The following COX7C variants were observed in gnomAD, a reference collection of about 807,000 sequenced individuals.
COX7C encodes the protein cytochrome c oxidase subunit 7C, mitochondrial.
In COX7C, 1 loss-of-function variant was observed where a neutral mutation model predicts 6.4. The ratio of observed to expected loss-of-function variants is 0.16; its 90% confidence interval spans 0.06 to 0.74. The LOEUF (loss-of-function observed/expected upper bound fraction) is 0.74. COX7C is among the 30% of genes least tolerant of loss of function. The probability of loss-of-function intolerance (pLI) is 0.78; values close to 1 mark genes in which losing one functional copy is unlikely to be tolerated. For synonymous variants in COX7C, 24 were observed against 28.9 expected (o/e 0.83, Z 0.54); for missense variants, 54 against 73.7 (o/e 0.73, Z 0.98).
intron 1 of COX7C, chr5:86,618,405 T>A (rs1489257083): frequency 8.9e-6 from 4 of 447,354 alleles, no homozygotes; most frequent in Non-Finnish European, 1.6e-5. Context: ...CTGAGATGGC[T>A]CCGGGAGGCC....
rs1449370841 is a variant in COX7C, at chr5:86,619,376, C to G, written c.99C>G (p.Asn33Lys). ...PGKNLPFSVE[N>K]KWSLLAKMCL... ...AGAATTTGCCATTTTCAGTGGAAAA[C>G]AAGTGGTCGTTACTAGCTAAGATGT... Residue 33 changes from asparagine to lysine, a missense_variant, in exon 2 of 3, where the codon AAC becomes AAG. By Grantham distance (94) the Asn-to-Lys change is moderately conservative (BLOSUM62 0). Coordinates refer to ENST00000247655, the MANE Select transcript of COX7C (RefSeq NM_001867.3). 7 of 1,612,640 alleles carry G rather than the reference C, an allele frequency of 4.3e-6. No homozygotes were observed. Among genetic ancestry groups the G allele is most frequent in the Non-Finnish European group, 5.9e-6 (7 of 1,179,540 alleles).
In COX7C at chr5:86,617,968, A is replaced by C. The variant is rs1448899556; in HGVS notation, c.-88A>C. On this transcript the variant is annotated 5_prime_UTR_variant, in exon 1 of 3. Transcript: ENST00000247655. Reference sequence around the variant, plus strand: ...TTTCAGTCCTTGCGCACCGGGGAACAAGGTCGTGAAAAAAAAGGTCTTGGT... The same window carrying C: ...TTTCAGTCCTTGCGCACCGGGGAACCAGGTCGTGAAAAAAAAGGTCTTGGT... 1 of 1,236,404 alleles carries C rather than the reference A, an allele frequency of 8.1e-7. No homozygotes were observed. Among genetic ancestry groups the C allele is most frequent in the African/African-American group, 1.5e-5 (1 of 67,338 alleles). The allele number at this position is 1,236,404 out of a possible 1,614,324, so 76.6% of individuals were successfully genotyped here.
Position 86,618,042 on chromosome 5 carries a change from C to G in COX7C, c.-14C>G. ...CTCATTCTCTGCGCCTTTCGCAGAG[C>G]TTCCAGCAGCGGTATGTTGGGCCAG... On this transcript the variant is annotated 5_prime_UTR_variant, in exon 1 of 3. Coordinates refer to ENST00000247655, the MANE Select transcript of COX7C (RefSeq NM_001867.3). 6.2e-7 allele frequency: 1 copy of G among 1,613,284 alleles called. No individual in the cohort carries two copies. Among genetic ancestry groups the G allele is most frequent in the South Asian group, 1.1e-5 (1 of 91,042 alleles).
In COX7C at chr5:86,619,415, A is replaced by G. The variant is rs752950725; in HGVS notation, c.138A>G (p.Gly46=). Residue 46 remains glycine, a synonymous_variant, in exon 2 of 3, where the codon GGA becomes GGG. Transcript: ENST00000247655. ...SLLAKMCLYF[G]SAFATPFLVV... is the part of the protein sequence containing the mutation. ...TAGCTAAGATGTGTTTGTACTTTGG[A>G]TCTGCATTTGCTACACCCTTCCTTG... The G allele has an allele frequency of 3.7e-5, 59 of 1,613,728 alleles. No individual in the cohort carries two copies. Among genetic ancestry groups the G allele is most frequent in the East Asian group, 4.5e-5 (2 of 44,856 alleles).
intron 1 of COX7C, chr5:86,618,463 C>T (rs181141267): frequency 3.6e-6 from 1 of 279,790 alleles, no homozygotes; most frequent in Admixed American, 4.9e-5. Context: ...TCATCGGACC[C>T]GAAATGAAGG....
chr5:86,618,395 C>T, intron 1 of COX7C: 1 of 468,372 alleles, frequency 2.1e-6, no homozygotes, highest in Non-Finnish European at 3.9e-6. Context: ...GCAGAAAGCC[C>T]TGAGATGGCT....
intron 1 of COX7C, 89 bp downstream of exon 1, chr5:86,618,219 T>G: frequency 8.2e-7 from 1 of 1,214,886 alleles, no homozygotes; most frequent in Non-Finnish European, 1.2e-6. Context: ...GGCTGTGGCG[T>G]GGGAGATGAT....
intron 1 of COX7C, chr5:86,618,463 C>G (rs181141267): frequency 3.6e-6 from 1 of 279,908 alleles, no homozygotes; most frequent in Non-Finnish European, 6.9e-6. Flanking sequence ...TCATCGGACC[C>G]GAAATGAAGG....
chr5:86,620,888 G>A lies in COX7C; in HGVS notation c.*248G>A, dbSNP rs1176574709. On this transcript the variant is annotated 3_prime_UTR_variant, in exon 3 of 3. Transcript: ENST00000247655. ...AGCTTATTTAATGGTGTTAAACTGA[G>A]GTTATATTAAATTTTTGATTCCCAG... 1 of 153,480 alleles carries A rather than the reference G, an allele frequency of 6.5e-6. No homozygotes were observed. Among genetic ancestry groups the A allele is most frequent in the Non-Finnish European group, 1.5e-5 (1 of 68,932 alleles). 9.5% of individuals were successfully genotyped at this position (153,480 alleles called of 1,614,324 possible).
intron 2 of COX7C, chr5:86,620,126 A>G (rs1313949244): frequency 6.6e-6 from 1 of 152,354 alleles, no homozygotes; most frequent in East Asian, 1.9e-4. Flanking sequence ...TCTGTGCCTC[A>G]CCAACTCAGC....
rs865823094 is a variant in COX7C at position 86,618,418 on chromosome 5, G to A, written c.75+288G>A. ...CCCTGAGATGGCTCCGGGAGGCCACGGCTGTAGGTGTGTTGGTTAAATCCG... is the reference window on the plus strand; with the variant it reads ...CCCTGAGATGGCTCCGGGAGGCCACAGCTGTAGGTGTGTTGGTTAAATCCG... On this transcript the variant is annotated intron_variant, in intron 1 of 2. Coordinates refer to ENST00000247655, the MANE Select transcript of COX7C (RefSeq NM_001867.3). The A allele has an allele frequency of 9.7e-6, 4 of 411,882 alleles. No individual in the cohort carries two copies. In the Admixed American group the frequency reaches 1.5e-4, roughly 16 times the overall value. The allele number at this position is 411,882 out of a possible 1,614,324, so 25.5% of individuals were successfully genotyped here.
intron 1 of COX7C, 61 bp downstream of exon 1, chr5:86,618,191 C>T (rs1407752312): frequency 2.7e-6 from 4 of 1,490,212 alleles, no homozygotes; most frequent in African/African-American, 2.8e-5. Flanking sequence ...GACTCGCGCA[C>T]CTGCAAGGCC....
At chr5:86,619,031 G>T (rs1355399673) in intron 1 of COX7C, among the ~76,000 whole-genome samples, 1 of 151,372 alleles carries the variant, frequency 6.6e-6, no homozygotes, top group African/African-American at 2.4e-5. Context: ...ACATTGCCAT[G>T]TATCTTCTAA....
intron 1 of COX7C, among the ~76,000 whole-genome samples, chr5:86,619,078 A>G (rs972654384): frequency 4.6e-5 from 7 of 152,168 alleles, no homozygotes; most frequent in African/African-American, 1.7e-4. Context: ...TCGATTTTCT[A>G]AAGTAAGAAA....
chr5:86,619,850 C>T lies in COX7C; in HGVS notation c.*27+354C>T, dbSNP rs1418831876. The T allele has an allele frequency of 2.9e-5, 5 of 174,180 alleles. No homozygotes were observed. The East Asian group carries it at 7.3e-4, about 25-fold the overall frequency. The allele number at this position is 174,180 out of a possible 1,614,324, so 10.8% of individuals were successfully genotyped here. On this transcript the variant is annotated intron_variant, in intron 2 of 2. Transcript: ENST00000247655. ...ACCAGGACTCTTGCCCAGGCAGTTT[C>T]TTGTTGCAGAACTCACACTTTTAAC... is the stretch of plus-strand genomic sequence containing the variant.
chr5:86,618,697 A>T (rs891972705), intron 1 of COX7C, among the ~76,000 whole-genome samples: 1 of 152,146 alleles, frequency 6.6e-6, no homozygotes, highest in African/African-American at 2.4e-5. Context: ...AACAAACAAA[A>T]AAAACTGTGG....
chr5:86,618,096 T>C lies in COX7C; in HGVS notation c.41T>C (p.Val14Ala), dbSNP rs1461720651. Residue 14 changes from valine (V) to alanine (A), a missense_variant, in exon 1 of 3, where the codon GTC becomes GCC. Coordinates refer to ENST00000247655, the MANE Select transcript of COX7C (RefSeq NM_001867.3). ...ATCCGGAGGTTCACAACCTCTGTGGTCCGTAGGAGCCACTATGAGGAGGGC... is the reference window on the plus strand; with the variant it reads ...ATCCGGAGGTTCACAACCTCTGTGGCCCGTAGGAGCCACTATGAGGAGGGC... ...QSIRRFTTSVVRRSHYEEGPG... is the reference protein window; with the variant it reads ...QSIRRFTTSVARRSHYEEGPG... 2.5e-6 allele frequency: 4 copies of C among 1,614,064 alleles called. No individual in the cohort carries two copies. The highest frequency in any genetic ancestry group is 3.4e-6 in the Non-Finnish European group (4 of 1,180,006).
chr5:86,617,975 T>TG lies in COX7C; in HGVS notation c.-80dup. On this transcript the variant is annotated 5_prime_UTR_variant, in exon 1 of 3. Coordinates refer to ENST00000247655, the MANE Select transcript of COX7C (RefSeq NM_001867.3). The stretch of plus-strand genomic sequence containing the variant: ...CCTTGCGCACCGGGGAACAAGGTCG[T>TG]GAAAAAAAAGGTCTTGGTGAGGTGC... The TG allele has an allele frequency of 2.2e-6, 3 of 1,354,546 alleles. No homozygotes were observed. The highest frequency in any genetic ancestry group is 3.2e-6 in the Non-Finnish European group (3 of 952,058). 83.9% of individuals were successfully genotyped at this position (1,354,546 alleles called of 1,614,324 possible). A position where few individuals can be genotyped will look rare whatever the true frequency, so the allele number is the denominator to read the frequency against.
At chr5:86,620,499 G>A in intron 2 of COX7C, 169 bp from the exon 3 acceptor site, 1 of 257,560 alleles carries the variant, frequency 3.9e-6, no homozygotes, top group South Asian at 3.7e-5. Context: ...AATGCGGAAA[G>A]GTTGCGGTGC....
Sources: gnomAD v4.1 joint callset for allele counts (sites outside exome capture counted in the v4.1 genomes callset) on GRCh38, gnomAD v4.1.1 for gene constraint, MANE v1.5 for transcripts, NCBI Gene and HGNC (gene_info 2026-07-23, HGNC 2026-07-21) for gene names.